The following KIZ variants were observed in gnomAD, a reference collection of about 807,000 sequenced individuals.
The protein encoded by KIZ is centrosomal protein kizuna.
Under a neutral mutation model 79.6 loss-of-function variants are expected in KIZ, and 68 were observed. The ratio of observed to expected loss-of-function variants is 0.85; its 90% CI spans 0.70 to 1.05. The LOEUF is 1.05. Ranked by LOEUF, KIZ falls within the 50% of genes least tolerant of loss-of-function variation. The pLI is 0.00. For missense variants in KIZ, 797 were observed against 800.4 expected, an observed-to-expected ratio of 1.00 and a Z score of 0.05; for synonymous variants, 280 against 281.8, an observed-to-expected ratio of 0.99 and a Z score of 0.06.
At chr20:21,211,831 A>G (rs763357600) in intron 7 of KIZ, among the ~76,000 whole-genome samples, 7 of 152,204 alleles carry the variant, frequency 4.6e-5, no homozygotes, top group Non-Finnish European at 8.8e-5. Flanking sequence ...GCTCACGCCT[A>G]TAATCCCGGC....
At chr20:21,244,363 T>C in intron 12 of KIZ, 75 bp downstream of exon 12, 2 of 1,048,274 alleles carry the variant, frequency 1.9e-6, no homozygotes, top group Non-Finnish European at 3.0e-6. Flanking sequence ...CATTTGTTGT[T>C]TGCACCCTCA....
chr20:21,167,649 C>T lies in KIZ; in HGVS notation c.1352+4490C>T, dbSNP rs138858663. The stretch of plus-strand genomic sequence containing the variant: ...CGATCTCGGCTCACTGCAACCTCCA[C>T]CTCCCGGGTGCAAGCTAGTCTCATG... On this transcript the variant is annotated intron_variant, in intron 6 of 12. Transcript: ENST00000619189. 3.1e-4 allele frequency among the ~76,000 whole-genome samples: 46 copies of T among 150,194 alleles called. No individual in the cohort carries two copies. The East Asian group carries it at 7.2e-3, about 24-fold the overall frequency.
chr20:21,194,572 T>G (rs1159405803), intron 6 of KIZ: 1 of 152,228 alleles, frequency 6.6e-6, no homozygotes, highest in Non-Finnish European at 1.5e-5. Context: ...CCAGCTCATC[T>G]TTTAGTCCGA....
chr20:21,172,587 A>G (rs2034258315), intron 6 of KIZ, among the ~76,000 whole-genome samples: 1 of 151,466 alleles, frequency 6.6e-6, no homozygotes, highest in Admixed American at 6.6e-5. Context: ...TGACAAAGAG[A>G]GACTCTGTCT....
chr20:21,236,930 G>T (rs2037026722), intron 11 of KIZ, among the ~76,000 whole-genome samples: 2 of 151,482 alleles, frequency 1.3e-5, no homozygotes, highest in African/African-American at 2.4e-5. Flanking sequence ...AACCTGGGAG[G>T]CAGAACTTGC....
At chr20:21,221,329 T>C (rs1303047002) in intron 9 of KIZ, among the ~76,000 whole-genome samples, 1 of 152,124 alleles carries the variant, frequency 6.6e-6, no homozygotes, top group East Asian at 1.9e-4. Context: ...GCACTTAATT[T>C]GTCAAATGAA....
chr20:21,142,502 T>A (rs1292036758), intron 3 of KIZ, among the ~76,000 whole-genome samples: 1 of 152,172 alleles, frequency 6.6e-6, no homozygotes, highest in African/African-American at 2.4e-5. Context: ...GTATTGATGA[T>A]ACTCTTTATT....
rs1239069474 is a variant in KIZ, at chr20:21,185,497, C to A, written c.1353-19994C>A. On this transcript the variant is annotated intron_variant, in intron 6 of 12. Coordinates refer to ENST00000619189, the MANE Select transcript of KIZ (RefSeq NM_018474.6). ...TGATCGCGGCTCACTGTAACCTCTG[C>A]CTCCTGGGTTCAAGCGATTCTCCTG... Among the ~76,000 whole-genome samples the A allele has an allele frequency of 2.7e-5, 4 of 149,994 alleles. No individual in the cohort carries two copies. In the East Asian group the frequency reaches 5.9e-4, roughly 22 times the overall value.
At chr20:21,147,991 G>GTGTGTA (rs1233749736) in intron 4 of KIZ, among the ~76,000 whole-genome samples, 1 of 151,486 alleles carries the variant, frequency 6.6e-6, no homozygotes, top group African/African-American at 2.4e-5. Context: ...GTGTGTGTGT[G>GTGTGTA]TGTGGCAGCA....
chr20:21,136,638 A>T, intron 3 of KIZ, 86 bp downstream of exon 3: 1 of 979,520 alleles, frequency 1.0e-6, no homozygotes. Flanking sequence ...TCACTGTGTT[A>T]CCCAGGCTAG....
At position 21,204,542 on chromosome 20, in the gene KIZ, A is replaced by G. The variant is rs2035735279; in HGVS notation, c.1353-949A>G. Among the ~76,000 whole-genome samples the G allele has an allele frequency of 5.3e-5, 8 of 152,210 alleles. No individual in the cohort carries two copies. The South Asian group carries it at 1.7e-3, about 32-fold the overall frequency. ...TGTGTTTCAGTCCATTGCAGTCAGT[A>G]TCCTTTAGGTGCTTAAATTGTCCCA... On this transcript the variant is annotated intron_variant, in intron 6 of 12. Coordinates refer to ENST00000619189, the MANE Select transcript of KIZ (RefSeq NM_018474.6).
intron 9 of KIZ, among the ~76,000 whole-genome samples, chr20:21,225,464 T>C (rs1357713087): frequency 6.6e-6 from 1 of 152,212 alleles, no homozygotes; most frequent in Non-Finnish European, 1.5e-5. Context: ...GTGAAACCTT[T>C]AAAGCAACCA....
At chr20:21,189,570 G>A (rs1198869771) in intron 6 of KIZ, among the ~76,000 whole-genome samples, 1 of 152,136 alleles carries the variant, frequency 6.6e-6, no homozygotes, top group Non-Finnish European at 1.5e-5. Context: ...GAGAGGGTTC[G>A]TTCTGAAAAT....
rs774039425 is a variant in KIZ at position 21,126,103 on chromosome 20, C to G, written c.-13C>G. ...ACCCAGAGGCTGTGCTGAGCTGGCG[C>G]AGCGGCAGCAGCATGAGCCGGACCC... On this transcript the variant is annotated 5_prime_UTR_variant, in exon 1 of 13. Coordinates refer to ENST00000619189, the MANE Select transcript of KIZ (RefSeq NM_018474.6). 26 of 1,508,494 alleles carry G rather than the reference C, an allele frequency of 1.7e-5. No individual in the cohort carries two copies. The highest frequency in any genetic ancestry group is 4.2e-5 in the Admixed American group (2 of 47,194). 93.4% of individuals were successfully genotyped at this position (1,508,494 alleles called of 1,614,324 possible). A position where few individuals can be genotyped will look rare whatever the true frequency, so the allele number is the denominator to read the frequency against.
At chr20:21,161,660 A>G (rs2033663288) in intron 4 of KIZ, among the ~76,000 whole-genome samples, 1 of 152,070 alleles carries the variant, frequency 6.6e-6, no homozygotes, top group African/African-American at 2.4e-5. Context: ...TGTTTTGTGA[A>G]CTATCATTGT....
chr20:21,172,477 C>T (rs781134327), intron 6 of KIZ, among the ~76,000 whole-genome samples: 8 of 151,726 alleles, frequency 5.3e-5, no homozygotes, highest in African/African-American at 7.3e-5. Context: ...TGGTGGCGCA[C>T]GCTTGAGCTA....
intron 11 of KIZ, among the ~76,000 whole-genome samples, chr20:21,237,297 G>A (rs1182954107): frequency 7.4e-5 from 9 of 121,856 alleles, no homozygotes; most frequent in African/African-American, 2.6e-4. Flanking sequence ...ACAAAACTCC[G>A]TCTCAAAAAA....
intron 1 of KIZ, 36 bp from the exon 2 acceptor site, chr20:21,132,061 A>C: frequency 2.3e-6 from 2 of 866,916 alleles, no homozygotes; most frequent in Non-Finnish European, 3.7e-6. Flanking sequence ...CCTGTTACTT[A>C]TCATGTAATT....
At chr20:21,192,543 A>C (rs2035158284) in intron 6 of KIZ, among the ~76,000 whole-genome samples, 1 of 152,208 alleles carries the variant, frequency 6.6e-6, no homozygotes, top group African/African-American at 2.4e-5. Context: ...CTAAAAATAT[A>C]GTGACAACAT....
Sources: allele counts gnomAD v4.1 joint callset (sites outside exome capture counted in the v4.1 genomes callset), GRCh38; gene constraint gnomAD v4.1.1; transcripts MANE v1.5; gene names NCBI Gene and HGNC (gene_info 2026-07-23, HGNC 2026-07-21).